The following NPAS3 variants were observed in gnomAD, a reference collection of about 807,000 sequenced individuals.
NPAS3 encodes neuronal PAS domain-containing protein 3.
NPAS3 carries 14 observed loss-of-function variants against 73.1 expected under a neutral mutation model. That is an observed-to-expected ratio of 0.19 (90% CI 0.13 to 0.30). NPAS3 has a LOEUF of 0.30. Ranked by LOEUF, NPAS3 falls within the 10% of genes least tolerant of loss-of-function variation. The probability of loss-of-function intolerance (pLI) is 1.00; values close to 1 mark genes in which losing one functional copy is unlikely to be tolerated. For synonymous variants in NPAS3, 620 were observed against 541.5 expected (o/e 1.14, Z -2.01); for missense variants, 1,096 against 1,250.0 (o/e 0.88, Z 1.86).
chr14:33,678,856 A>G (rs1174132985), intron 6 of NPAS3, among the ~76,000 whole-genome samples: 1 of 152,104 alleles, frequency 6.6e-6, no homozygotes, highest in Non-Finnish European at 1.5e-5. Flanking sequence ...CAATATAAGA[A>G]CTCTCATAAA....
intron 2 of NPAS3, among the ~76,000 whole-genome samples, chr14:33,064,935 A>G (rs943051140): frequency 6.6e-6 from 1 of 152,174 alleles, no homozygotes; most frequent in East Asian, 1.9e-4. Flanking sequence ...TTTGTATATG[A>G]GCAGCTTATT....
At chr14:33,100,255 G>A (rs181460172) in intron 2 of NPAS3, among the ~76,000 whole-genome samples, 1 of 152,208 alleles carries the variant, frequency 6.6e-6, no homozygotes, top group Non-Finnish European at 1.5e-5. Flanking sequence ...GGTTTTTCTT[G>A]TGCTGAATAT....
At chr14:33,509,917 A>G (rs781296881) in intron 4 of NPAS3, among the ~76,000 whole-genome samples, 2 of 152,010 alleles carry the variant, frequency 1.3e-5, no homozygotes, top group Non-Finnish European at 2.9e-5. Context: ...GCTGGCCTGT[A>G]CACTTATTTT....
intron 7 of NPAS3, among the ~76,000 whole-genome samples, chr14:33,762,673 C>A (rs1054562872): frequency 2.0e-5 from 3 of 152,226 alleles, no homozygotes; most frequent in East Asian, 1.9e-4. Context: ...TGACACCACA[C>A]CCTCATCTAT....
At chr14:33,253,044 T>G (rs2139904716) in intron 3 of NPAS3, among the ~76,000 whole-genome samples, 1 of 152,236 alleles carries the variant, frequency 6.6e-6, no homozygotes, top group South Asian at 2.1e-4. Flanking sequence ...GTTAGGTTCG[T>G]TCCATGACTT....
chr14:33,314,597 T>C (rs1320272536), intron 3 of NPAS3, among the ~76,000 whole-genome samples: 1 of 152,056 alleles, frequency 6.6e-6, no homozygotes, highest in Non-Finnish European at 1.5e-5. Flanking sequence ...TCTAATTGGA[T>C]AATAGATTAT....
At chr14:33,680,574 C>T in intron 6 of NPAS3, 1 of 702,236 alleles carries the variant, frequency 1.4e-6, no homozygotes, top group Non-Finnish European at 2.6e-6. Flanking sequence ...TCATGTTTCT[C>T]TAAGATAAAA....
At chr14:33,121,636 C>T (rs2043234536) in intron 2 of NPAS3, among the ~76,000 whole-genome samples, 1 of 152,112 alleles carries the variant, frequency 6.6e-6, no homozygotes, top group Non-Finnish European at 1.5e-5. Context: ...GTCTCTGTCT[C>T]TCTGACATAA....
intron 9 of NPAS3, among the ~76,000 whole-genome samples, chr14:33,789,061 T>C (rs1251856176): frequency 6.6e-6 from 1 of 152,196 alleles, no homozygotes; most frequent in Non-Finnish European, 1.5e-5. Context: ...AATTTTCTTT[T>C]GATTGAACTG....
At chr14:33,669,678 A>C (rs1291573120) in intron 5 of NPAS3, among the ~76,000 whole-genome samples, 1 of 152,202 alleles carries the variant, frequency 6.6e-6, no homozygotes, top group Non-Finnish European at 1.5e-5. Flanking sequence ...AGAAGTATTT[A>C]AACATGCTCA....
At chr14:33,300,944 G>A (rs2042504732) in intron 3 of NPAS3, among the ~76,000 whole-genome samples, 1 of 152,180 alleles carries the variant, frequency 6.6e-6, no homozygotes, top group African/African-American at 2.4e-5. Context: ...GCCAGGTAGA[G>A]GAAGGTGGAC....
chr14:32,968,607 A>G (rs2037285114), intron 1 of NPAS3, among the ~76,000 whole-genome samples: 1 of 152,144 alleles, frequency 6.6e-6, no homozygotes, highest in African/African-American at 2.4e-5. Context: ...CACACTTTAA[A>G]TCATATTACT....
intron 4 of NPAS3, among the ~76,000 whole-genome samples, chr14:33,405,675 T>A (rs1016458603): frequency 2.0e-5 from 3 of 152,024 alleles, no homozygotes; most frequent in African/African-American, 7.2e-5. Flanking sequence ...AAATCCCATT[T>A]AAAAAAAATC....
At chr14:33,491,942 T>C (rs978514513) in intron 4 of NPAS3, among the ~76,000 whole-genome samples, 12 of 152,282 alleles carry the variant, frequency 7.9e-5, no homozygotes, top group Non-Finnish European at 1.6e-4. Context: ...GACCGAATTC[T>C]TTTTCACCCA....
intron 1 of NPAS3, among the ~76,000 whole-genome samples, chr14:33,049,757 G>T (rs1436724834): frequency 1.3e-5 from 2 of 152,190 alleles, no homozygotes; most frequent in East Asian, 3.8e-4. Flanking sequence ...TGGTTCCAAA[G>T]CTTGGGCTCC....
At chr14:33,198,657 C>T (rs917762660) in intron 2 of NPAS3, among the ~76,000 whole-genome samples, 1 of 152,244 alleles carries the variant, frequency 6.6e-6, no homozygotes, top group African/African-American at 2.4e-5. Flanking sequence ...CCCACAGACT[C>T]AGGAGCCCAG....
Position 33,215,372 on chromosome 14 carries a change from G to A in NPAS3, c.331G>A (p.Asp111Asn), listed in dbSNP as rs201385420. Reference sequence around the variant, plus strand: ...AATGAGGGACTTTGCTAACCAGGGGGACCCTCCGTGGAACTTGCGAATGGA... The same window carrying A: ...AATGAGGGACTTTGCTAACCAGGGGAACCCTCCGTGGAACTTGCGAATGGA... Residue 111 changes from aspartate (D) to asparagine (N), a missense_variant, in exon 3 of 12, where the codon GAC becomes AAC. This residue lies in a region of NPAS3 where 215 missense variants were observed against 260.0 expected (regional missense o/e 0.83). Transcript: ENST00000356141. The A allele has an allele frequency of 2.5e-5, 41 of 1,613,502 alleles. No homozygotes were observed. The highest frequency in any genetic ancestry group is 3.3e-5 in the Non-Finnish European group (39 of 1,179,568).
intron 5 of NPAS3, among the ~76,000 whole-genome samples, chr14:33,657,412 A>G (rs114238220): frequency 2.3e-3 from 351 of 152,364 alleles, no homozygotes; most frequent in African/African-American, 7.7e-3. Context: ...CATCCCAGAC[A>G]TAAAGAAGCC....
At chr14:33,381,924 G>A (rs1310943896) in intron 4 of NPAS3, among the ~76,000 whole-genome samples, 1 of 152,120 alleles carries the variant, frequency 6.6e-6, no homozygotes, top group African/African-American at 2.4e-5. Flanking sequence ...CCGGTGGGCT[G>A]TATTGAATCA....
Sources: allele counts gnomAD v4.1 joint callset (sites outside exome capture counted in the v4.1 genomes callset), GRCh38; gene constraint gnomAD v4.1.1; regional missense constraint gnomAD v4.1.1; transcripts MANE v1.5; gene names NCBI Gene and HGNC (gene_info 2026-07-23, HGNC 2026-07-21).